The following RUFY2 variants were observed in gnomAD, a reference collection of about 807,000 sequenced individuals.
RUFY2 encodes the protein RUN and FYVE domain containing 2.
RUFY2 carries 49 observed loss-of-function variants against 94.4 expected under a neutral mutation model. That is an observed-to-expected ratio of 0.52 (90% CI 0.41 to 0.66). The LOEUF (loss-of-function observed/expected upper bound fraction) is 0.66, where lower values mean the gene tolerates loss of function less well. Ranked by LOEUF, RUFY2 falls within the 30% of genes least tolerant of loss-of-function variation. The pLI, the probability that RUFY2 is intolerant of heterozygous loss-of-function variation, is 0.00. For synonymous variants in RUFY2, 255 were observed against 235.7 expected, an observed-to-expected ratio of 1.08 and a Z score of -0.75; for missense variants, 541 against 692.8, an observed-to-expected ratio of 0.78 and a Z score of 2.46.
At chr10:68,355,473 G>A (rs1057099964) in intron 15 of RUFY2, 72 bp from the exon 16 acceptor site, 21 of 900,400 alleles carry the variant, frequency 2.3e-5, no homozygotes, top group African/African-American at 3.4e-5. Flanking sequence ...ATTTCAGTAG[G>A]TATTGGTATT....
Position 68,363,683 on chromosome 10 carries a change from T to G in RUFY2, c.1457A>C (p.Glu486Ala), listed in dbSNP as rs1389110773. Residue 486 changes from glutamate to alanine, a missense_variant and splice_region_variant, in exon 15 of 18, where the codon GAG becomes GCG. This residue lies in a region of RUFY2 where 403 missense variants were observed against 480.7 expected (regional missense o/e 0.84). Transcript: ENST00000602465. ...ATTTTCATCCTGGAGGTTAAGGAAC[T>G]CCTTCAGAACAATAAAAGACAGAAA... Reference protein sequence around the residue: ...ETQQIISLKKEFLNLQDENQQ... With the variant: ...ETQQIISLKKAFLNLQDENQQ... The G allele has an allele frequency of 5.7e-6, 9 of 1,573,008 alleles. No individual in the cohort carries two copies. Among genetic ancestry groups the G allele is most frequent in the Non-Finnish European group, 6.9e-6 (8 of 1,153,944 alleles).
chr10:68,362,128 C>T (rs925182234), intron 15 of RUFY2, among the ~76,000 whole-genome samples: 1 of 151,902 alleles, frequency 6.6e-6, no homozygotes, highest in African/African-American at 2.4e-5. Context: ...AGTTCAAGAC[C>T]AGCCTGGACA....
chr10:68,403,009 C>G (rs1452375061), intron 2 of RUFY2, among the ~76,000 whole-genome samples: 1 of 150,650 alleles, frequency 6.6e-6, no homozygotes, highest in Non-Finnish European at 1.5e-5. Context: ...CCACACCCAG[C>G]TAATTTTTGT....
At chr10:68,341,272 T>C (rs1444886674), downstream of RUFY2, 1 of 1,605,460 alleles carries the variant, frequency 6.2e-7, no homozygotes, top group East Asian at 2.2e-5. Flanking sequence ...CACATGAAGA[T>C]GCAGTAGCTG....
Position 68,383,904 on chromosome 10 carries a change from A to G in RUFY2, c.833T>C (p.Val278Ala). 1 of 1,613,228 alleles carries G rather than the reference A, an allele frequency of 6.2e-7. No individual in the cohort carries two copies. Among genetic ancestry groups the G allele is most frequent in the Non-Finnish European group, 8.5e-7 (1 of 1,179,566 alleles). ...KTQQHLEVTKVDVETELQTYK... is the reference protein window; with the variant it reads ...KTQQHLEVTKADVETELQTYK... ...TGTTTGAAGCTCAGTTTCCACATCT[A>G]CTTTGGTAACCTAGGAAGAAAACAA... The change falls in exon 10 of 18, where the codon GTA becomes GCA. Residue 278 changes from valine (V) to alanine (A), a missense_variant. Physicochemically the swap from Val to Ala is moderately conservative, Grantham distance 64 (BLOSUM62 0). Transcript: ENST00000602465.
At chr10:68,370,764 A>AG (rs1410662178) in intron 13 of RUFY2, among the ~76,000 whole-genome samples, 1 of 152,162 alleles carries the variant, frequency 6.6e-6, no homozygotes, top group Non-Finnish European at 1.5e-5. Flanking sequence ...GAAGATGGTG[A>AG]GGGAAGAATG....
chr10:68,400,111 G>C (rs2050699025), intron 3 of RUFY2, among the ~76,000 whole-genome samples: 1 of 151,858 alleles, frequency 6.6e-6, no homozygotes, highest in African/African-American at 2.4e-5. Context: ...AGGAGTTCAA[G>C]ACCAGCCTGG....
chr10:68,399,265 C>T (rs1441934462), intron 3 of RUFY2, among the ~76,000 whole-genome samples: 2 of 151,922 alleles, frequency 1.3e-5, no homozygotes, highest in Admixed American at 6.6e-5. Flanking sequence ...AGGCTGGTCT[C>T]GAACTCTTGG....
At chr10:68,348,904 C>T (rs1412140113) in intron 16 of RUFY2, among the ~76,000 whole-genome samples, 2 of 152,176 alleles carry the variant, frequency 1.3e-5, no homozygotes, top group African/African-American at 4.8e-5. Flanking sequence ...AACGGAACAA[C>T]CTCTTGCTCT....
At chr10:68,388,277 A>G (rs2049677669) in intron 7 of RUFY2, among the ~76,000 whole-genome samples, 1 of 152,042 alleles carries the variant, frequency 6.6e-6, no homozygotes, top group Admixed American at 6.6e-5. Context: ...AGCCTGACCA[A>G]CATGGTGAAA....
intron 13 of RUFY2, among the ~76,000 whole-genome samples, chr10:68,365,785 C>A (rs187102807): frequency 0.057 from 8,597 of 152,112 alleles, 503 homozygotes; most frequent in South Asian, 0.19. Flanking sequence ...TTCACTCAGT[C>A]AGAGTTTCCA....
chr10:68,352,659 G>A (rs2046762527), intron 16 of RUFY2, among the ~76,000 whole-genome samples: 1 of 152,116 alleles, frequency 6.6e-6, no homozygotes, highest in Non-Finnish European at 1.5e-5. Context: ...GGCTGGGCAC[G>A]GTGGCTCACA....
intron 10 of RUFY2, among the ~76,000 whole-genome samples, chr10:68,382,858 T>C (rs1451517164): frequency 1.3e-5 from 2 of 152,172 alleles, no homozygotes; most frequent in Non-Finnish European, 2.9e-5. Flanking sequence ...AAGCTGTATA[T>C]TCGTATTTTT....
At chr10:68,353,236 C>T (rs2046811188) in intron 16 of RUFY2, among the ~76,000 whole-genome samples, 1 of 150,774 alleles carries the variant, frequency 6.6e-6, no homozygotes, top group Non-Finnish European at 1.5e-5. Context: ...GAGGCTGAAG[C>T]AGGAGAATCT....
intron 2 of RUFY2, among the ~76,000 whole-genome samples, chr10:68,403,771 A>T (rs530976882): frequency 1.3e-5 from 2 of 152,102 alleles, no homozygotes; most frequent in East Asian, 3.9e-4. Context: ...TATTAAAACA[A>T]AGTTTAGGTA....
chr10:68,371,248 C>T (rs1246237961), intron 13 of RUFY2, among the ~76,000 whole-genome samples: 2 of 151,938 alleles, frequency 1.3e-5, no homozygotes, highest in East Asian at 3.9e-4. Flanking sequence ...GGTGAAACCC[C>T]GTATCTACTA....
chr10:68,377,556 CA>C (rs1564818044), intron 12 of RUFY2: 2 of 985,206 alleles, frequency 2.0e-6, no homozygotes, highest in African/African-American at 3.5e-5. Context: ...GTTTAAGATT[CA>C]AAAAGAATTT....
intron 3 of RUFY2, among the ~76,000 whole-genome samples, chr10:68,398,669 A>T (rs991622749): frequency 4.6e-5 from 7 of 151,910 alleles, no homozygotes; most frequent in Non-Finnish European, 8.8e-5. Context: ...TATAATAATA[A>T]TTTTTTTAAA....
intron 13 of RUFY2, among the ~76,000 whole-genome samples, chr10:68,365,072 TTG>T (rs1472398058): frequency 6.6e-6 from 1 of 152,182 alleles, no homozygotes; most frequent in Non-Finnish European, 1.5e-5. Flanking sequence ...TTTAATATGT[TTG>T]TGTTAATATT....
Sources: allele counts gnomAD v4.1 joint callset (sites outside exome capture counted in the v4.1 genomes callset), GRCh38; gene constraint gnomAD v4.1.1; regional missense constraint gnomAD v4.1.1; transcripts MANE v1.5; gene names NCBI Gene and HGNC (gene_info 2026-07-23, HGNC 2026-07-21).